Variants in DCTN4 observed in about 807,000 individuals in gnomAD.
DCTN4 encodes the protein dynactin 4 (p62).
DCTN4 carries 23 observed loss-of-function variants against 62.7 expected under a neutral mutation model. The observed-to-expected ratio is 0.37, with a 90% CI of 0.26 to 0.52. The LOEUF (loss-of-function observed/expected upper bound fraction) is 0.52, where lower values mean the gene tolerates loss of function less well. Among genes scored for constraint, DCTN4 ranks in the 20% least tolerant of loss-of-function variants. The probability of loss-of-function intolerance (pLI) is 0.92; values close to 1 mark genes in which losing one functional copy is unlikely to be tolerated. For missense variants in DCTN4, 514 were observed against 580.4 expected (o/e 0.89, Z 1.18); for synonymous variants, 199 against 202.1 (o/e 0.98, Z 0.13).
chr5:150,748,792 TGGGGGGA>T (rs1425889274), intron 3 of DCTN4, among the ~76,000 whole-genome samples: 3 of 50,240 alleles, frequency 6.0e-5, no homozygotes, highest in African/African-American at 1.4e-4. Context: ...TGTTGTGGGG[TGGGGGGA>T]GGGGGGAGGG....
At chr5:150,717,829 G>A (rs147979090) in intron 11 of DCTN4, among the ~76,000 whole-genome samples, 39 of 152,278 alleles carry the variant, frequency 2.6e-4, no homozygotes, top group African/African-American at 9.1e-4. Context: ...TAATATGTAC[G>A]ATTCAGGGAA....
rs1257932060 is a variant in DCTN4 at position 150,710,098 on chromosome 5, G to C, written c.*1051C>G. On this transcript the variant is annotated 3_prime_UTR_variant, in exon 13 of 13. Transcript: ENST00000447998. ...ATGACAAAAGTCTTAAACTTAGTAA[G>C]GGGGAAAGTTCTTAATATCCAGTTT... The C allele has an allele frequency of 6.6e-6, 1 of 152,344 alleles. No individual in the cohort carries two copies. The highest frequency in any genetic ancestry group is 2.4e-5 in the African/African-American group (1 of 41,442). The allele number at this position is 152,344 out of a possible 1,614,324, so 9.4% of individuals were successfully genotyped here.
chr5:150,756,453 T>C lies in DCTN4; in HGVS notation c.170A>G (p.Asn57Ser). The C allele has an allele frequency of 6.2e-7, 1 of 1,604,722 alleles. No individual in the cohort carries two copies. The highest frequency in any genetic ancestry group is 8.5e-7 in the Non-Finnish European group (1 of 1,176,488). Residue 57 changes from asparagine (N) to serine (S), a missense_variant, in exon 2 of 13, where the codon AAT (asparagine) becomes AGT (serine). Coordinates refer to ENST00000447998, the MANE Select transcript of DCTN4 (RefSeq NM_016221.4). The part of the protein sequence containing the change: ...DSHYCPSCLE[N>S]MPSAEAKLKK... The stretch of plus-strand genomic sequence containing the variant: ...TAGTTTGGCTTCAGCCGATGGCATA[T>C]TTTCTAAACAACTGGGACAATAATG...
At chr5:150,746,547 CT>C (rs1392949308) in intron 3 of DCTN4, among the ~76,000 whole-genome samples, 1 of 152,166 alleles carries the variant, frequency 6.6e-6, no homozygotes, top group Non-Finnish European at 1.5e-5. Flanking sequence ...CAATAAAATA[CT>C]GGCAAACCGA....
intron 3 of DCTN4, among the ~76,000 whole-genome samples, chr5:150,751,404 C>G (rs567387740): frequency 3.9e-5 from 6 of 152,058 alleles, no homozygotes; most frequent in Admixed American, 2.6e-4. Context: ...ACTCATAAAC[C>G]AAAAAGCATA....
In DCTN4 at chr5:150,753,638, A is replaced by T; in HGVS notation, c.226T>A (p.Cys76Ser). 1 of 1,611,878 alleles carries T rather than the reference A, an allele frequency of 6.2e-7. No individual in the cohort carries two copies. Among genetic ancestry groups the T allele is most frequent in the Non-Finnish European group, 8.5e-7 (1 of 1,178,804 alleles). Residue 76 changes from cysteine to serine, a missense_variant, in exon 3 of 13, where the codon TGT becomes AGT. Cys to Ser is a moderately radical substitution (Grantham distance 112). Coordinates refer to ENST00000447998, the MANE Select transcript of DCTN4 (RefSeq NM_016221.4). ...KKNRCANCFDCPGCMHTLSTR... is the reference protein window; with the variant it reads ...KKNRCANCFDSPGCMHTLSTR... Reference sequence around the variant, plus strand: ...GAGAGGGTGTGCATGCAGCCAGGACAGTCAAAACAATTGGCACATCTGTGA... The same window carrying T: ...GAGAGGGTGTGCATGCAGCCAGGACTGTCAAAACAATTGGCACATCTGTGA...
chr5:150,715,086 T>C (rs1396055220), intron 12 of DCTN4, among the ~76,000 whole-genome samples: 1 of 143,514 alleles, frequency 7.0e-6, no homozygotes, highest in African/African-American at 2.6e-5. Context: ...ATGGTCACAG[T>C]CCCCAGTTAC....
At chr5:150,726,936 C>T (rs1417721358) in intron 8 of DCTN4, among the ~76,000 whole-genome samples, 1 of 152,136 alleles carries the variant, frequency 6.6e-6, no homozygotes, top group Non-Finnish European at 1.5e-5. Context: ...GACCACAAAG[C>T]ATCATTTTTA....
At chr5:150,719,209 A>T (rs1759876379) in intron 10 of DCTN4, among the ~76,000 whole-genome samples, 1 of 152,186 alleles carries the variant, frequency 6.6e-6, no homozygotes, top group South Asian at 2.1e-4. Context: ...CTTTCAAATG[A>T]AGGCCCATGT....
At chr5:150,718,836 C>T (rs1347101598) in intron 10 of DCTN4, among the ~76,000 whole-genome samples, 1 of 152,070 alleles carries the variant, frequency 6.6e-6, no homozygotes, top group Admixed American at 6.6e-5. Flanking sequence ...TATTTATTTT[C>T]GAGACAAGGT....
intron 11 of DCTN4, among the ~76,000 whole-genome samples, chr5:150,717,071 G>C (rs1216360300): frequency 5.9e-5 from 9 of 151,718 alleles, no homozygotes; most frequent in Non-Finnish European, 1.3e-4. Flanking sequence ...AAAGATATAG[G>C]CATCTTTTTA....
At chr5:150,755,239 CAAAT>C (rs1752815257) in intron 2 of DCTN4, among the ~76,000 whole-genome samples, 1 of 152,088 alleles carries the variant, frequency 6.6e-6, no homozygotes, top group Non-Finnish European at 1.5e-5. Context: ...ATTTAAAAAA[CAAAT>C]AAACAAGAGG....
At chr5:150,720,394 A>C (rs1007669780) in intron 9 of DCTN4, among the ~76,000 whole-genome samples, 42 of 152,106 alleles carry the variant, frequency 2.8e-4, no homozygotes, top group Non-Finnish European at 5.1e-4. Flanking sequence ...CACACACACA[A>C]AAGCAACAAC....
intron 1 of DCTN4, chr5:150,758,083 C>T (rs904251210): frequency 1.0e-5 from 10 of 985,206 alleles, no homozygotes; most frequent in Middle Eastern, 5.2e-4. Context: ...AAGACTATGG[C>T]TTATTAAACA....
At position 150,731,126 on chromosome 5, in the gene DCTN4, T is replaced by C; in HGVS notation, c.642A>G (p.Ile214Met). ...CCACAGCCTGAGCTGGCTCAATCTT[T>C]ATCTCTTTCTGATCCTCTCCTTCTT... Reference protein sequence around the residue: ...SLKEGEDQKEIKIEPAQAVDE... With the variant: ...SLKEGEDQKEMKIEPAQAVDE... The change falls in exon 7 of 13, where the codon ATA becomes ATG. Residue 214 changes from isoleucine to methionine, a missense_variant. Physicochemically the swap from Ile to Met is conservative, Grantham distance 10. Coordinates refer to ENST00000447998, the MANE Select transcript of DCTN4 (RefSeq NM_016221.4). 1.2e-6 allele frequency: 2 copies of C among 1,612,606 alleles called. No homozygotes were observed. The highest frequency in any genetic ancestry group is 2.2e-5 in the South Asian group (2 of 91,040).
Position 150,708,728 on chromosome 5 carries a change from G to C in DCTN4, c.*2421C>G, listed in dbSNP as rs933441561. 6.5e-6 allele frequency: 1 copy of C among 152,776 alleles called. No individual in the cohort carries two copies. The highest frequency in any genetic ancestry group is 1.5e-5 in the Non-Finnish European group (1 of 68,030). The allele number at this position is 152,776 out of a possible 1,614,324, so 9.5% of individuals were successfully genotyped here. ...GCCATGCTACTTAGTATCTACATGA[G>C]AGCAAACAAAAGACACGCTCAAGCT... On this transcript the variant is annotated 3_prime_UTR_variant, in exon 13 of 13. Transcript: ENST00000447998.
intron 9 of DCTN4, among the ~76,000 whole-genome samples, chr5:150,720,356 T>C (rs1465187165): frequency 2.0e-5 from 3 of 152,200 alleles, no homozygotes. Flanking sequence ...AAGAAACTTT[T>C]GTCTTCCTGA....
intron 3 of DCTN4, among the ~76,000 whole-genome samples, chr5:150,748,050 G>A (rs886921675): frequency 1.3e-5 from 2 of 150,780 alleles, no homozygotes; most frequent in Admixed American, 6.6e-5. Flanking sequence ...ATCTGACAAA[G>A]GGCTAAGATC....
chr5:150,724,762 T>C (rs1173767541), intron 8 of DCTN4, among the ~76,000 whole-genome samples: 2 of 152,130 alleles, frequency 1.3e-5, no homozygotes, highest in African/African-American at 4.8e-5. Context: ...TCTGCATACA[T>C]ATAGACACAC....
Sources: allele counts gnomAD v4.1 joint callset (sites outside exome capture counted in the v4.1 genomes callset), GRCh38; gene constraint gnomAD v4.1.1; transcripts MANE v1.5; gene names NCBI Gene and HGNC (gene_info 2026-07-23, HGNC 2026-07-21).